ATAD2B: variants seen among roughly 807,000 people sequenced by gnomAD.
ATAD2B encodes the protein ATPase family AAA domain-containing protein 2B.
Under a neutral mutation model 167.6 loss-of-function variants are expected in ATAD2B, and 40 were observed. The ratio of observed to expected loss-of-function variants is 0.24; its 90% CI spans 0.19 to 0.31. The LOEUF (loss-of-function observed/expected upper bound fraction) is 0.31. Among genes scored for constraint, ATAD2B ranks in the 10% least tolerant of loss-of-function variants. ATAD2B has a pLI of 1.00. For synonymous variants in ATAD2B, 579 were observed against 596.5 expected (o/e 0.97, Z 0.43); for missense variants, 1,242 against 1,757.2 (o/e 0.71, Z 5.24).
intron 2 of ATAD2B, among the ~76,000 whole-genome samples, chr2:23,894,142 T>G (rs1422186488): frequency 1.3e-5 from 2 of 152,134 alleles, no homozygotes; most frequent in Non-Finnish European, 2.9e-5. Flanking sequence ...ATATCTTTCA[T>G]ATGCTCTCCC....
chr2:23,760,749 C>CACAT (rs1207153837), intron 24 of ATAD2B, among the ~76,000 whole-genome samples: 1 of 107,980 alleles, frequency 9.3e-6, no homozygotes, highest in South Asian at 3.6e-4. Context: ...CACACACACA[C>CACAT]ATACACACAC....
chr2:23,886,999 T>C (rs1698768414), intron 4 of ATAD2B, among the ~76,000 whole-genome samples: 1 of 146,698 alleles, frequency 6.8e-6, no homozygotes, highest in Admixed American at 6.8e-5. Flanking sequence ...GATGGGGTGC[T>C]GGGCACGGTG....
intron 6 of ATAD2B, 136 bp from the exon 7 acceptor site, chr2:23,880,891 C>T (rs3795951): frequency 0.051 from 30,833 of 602,338 alleles, 1,028 homozygotes; most frequent in African/African-American, 0.12. Flanking sequence ...CAACATATTA[C>T]GTAAAGCATA....
Position 23,758,012 on chromosome 2 carries a change from C to T in ATAD2B, c.3484G>A (p.Glu1162Lys). 1 of 1,610,804 alleles carries T rather than the reference C, an allele frequency of 6.2e-7. No individual in the cohort carries two copies. The highest frequency in any genetic ancestry group is 8.5e-7 in the Non-Finnish European group (1 of 1,178,794). ...RKVNNLKKDE[E>K]DTKFADYENH... ...TCATAGTCTGCAAATTTGGTGTCTT[C>T]TTCATCTTTTTTTAAATTATTAACT... The change falls in exon 25 of 28, where the codon GAA (glutamate) becomes AAA (lysine). Residue 1162 changes from glutamate to lysine, a missense_variant. Transcript: ENST00000238789.
intron 17 of ATAD2B, among the ~76,000 whole-genome samples, chr2:23,819,277 C>T (rs1243009802): frequency 2.0e-5 from 3 of 152,068 alleles, no homozygotes; most frequent in Admixed American, 6.5e-5. Flanking sequence ...GCGGGAAGAG[C>T]ACCTGAGATT....
intron 19 of ATAD2B, among the ~76,000 whole-genome samples, chr2:23,796,228 T>C (rs1000355723): frequency 6.6e-6 from 1 of 152,174 alleles, no homozygotes; most frequent in Admixed American, 6.5e-5. Context: ...AAACTACTTA[T>C]AAAGACAAAA....
At chr2:23,777,436 G>A (rs1286138808) in intron 22 of ATAD2B, among the ~76,000 whole-genome samples, 1 of 151,548 alleles carries the variant, frequency 6.6e-6, no homozygotes, top group Non-Finnish European at 1.5e-5. Context: ...TTGTAGTCTA[G>A]GCACCCAGCT....
chr2:23,819,457 C>T (rs1687102419), intron 17 of ATAD2B, among the ~76,000 whole-genome samples: 1 of 149,358 alleles, frequency 6.7e-6, no homozygotes. Context: ...TGCCACTGCA[C>T]TCTACCCTGG....
At chr2:23,752,136 G>C (rs369526507) in intron 27 of ATAD2B, 49 bp from the exon 28 acceptor site, 15 of 1,321,456 alleles carry the variant, frequency 1.1e-5, no homozygotes, top group South Asian at 8.9e-5. Flanking sequence ...AAAGACAAAA[G>C]TGTTCCTCAT....
At chr2:23,874,069 C>T (rs907677499) in intron 8 of ATAD2B, among the ~76,000 whole-genome samples, 13 of 151,968 alleles carry the variant, frequency 8.6e-5, no homozygotes, top group Non-Finnish European at 1.2e-4. Context: ...TGCCTGTAAC[C>T]CCAGCTAGTG....
At chr2:23,833,175 G>A (rs907331369) in intron 14 of ATAD2B, among the ~76,000 whole-genome samples, 3 of 152,124 alleles carry the variant, frequency 2.0e-5, no homozygotes, top group Non-Finnish European at 4.4e-5. Context: ...GTTTCTCTAT[G>A]GTCTTCCATA....
At chr2:23,905,293 G>A (rs1332513714) in intron 1 of ATAD2B, among the ~76,000 whole-genome samples, 1 of 152,156 alleles carries the variant, frequency 6.6e-6, no homozygotes, top group Non-Finnish European at 1.5e-5. Flanking sequence ...TGAGGTAAAA[G>A]GATCACTTAA....
the ATAD2B span, among the ~76,000 whole-genome samples, chr2:23,712,644 TC>T: frequency 6.6e-6 from 1 of 152,102 alleles, no homozygotes. Flanking sequence ...CAGAAAGTTT[TC>T]CCAGCTGGGT....
intron 17 of ATAD2B, among the ~76,000 whole-genome samples, chr2:23,817,753 T>C (rs569666894): frequency 2.4e-4 from 36 of 152,314 alleles, no homozygotes; most frequent in African/African-American, 7.7e-4. Context: ...TTCTAGCATA[T>C]AGCTGTCTCA....
intron 21 of ATAD2B, 40 bp downstream of exon 21, chr2:23,785,987 C>A: frequency 6.6e-7 from 1 of 1,506,992 alleles, no homozygotes; most frequent in Non-Finnish European, 8.9e-7. Flanking sequence ...TTTCTTTTAG[C>A]CAGTTCAACT....
At chr2:23,923,556 T>C (rs1461280854) in intron 1 of ATAD2B, among the ~76,000 whole-genome samples, 7 of 152,026 alleles carry the variant, frequency 4.6e-5, no homozygotes, top group Admixed American at 4.6e-4. Flanking sequence ...ATGACGGACA[T>C]GTCTATGGTG....
At chr2:23,739,626 T>C in the ATAD2B span, among the ~76,000 whole-genome samples, 1 of 151,714 alleles carries the variant, frequency 6.6e-6, no homozygotes, top group Non-Finnish European at 1.5e-5. Flanking sequence ...CACCCTAACA[T>C]CACAATTAAA....
intron 1 of ATAD2B, among the ~76,000 whole-genome samples, chr2:23,916,008 A>G (rs894467432): frequency 6.6e-6 from 1 of 152,236 alleles, no homozygotes; most frequent in South Asian, 2.1e-4. Flanking sequence ...ATTCATCATC[A>G]TGGATACTTA....
the ATAD2B span, among the ~76,000 whole-genome samples, chr2:23,736,227 A>AC: frequency 0.054 from 7,965 of 148,570 alleles, 266 homozygotes; most frequent in Non-Finnish European, 0.077. Context: ...CCATAAAGGA[A>AC]CCCCCCCCAT....
Sources: gnomAD v4.1 joint callset for allele counts (sites outside exome capture counted in the v4.1 genomes callset) on GRCh38, gnomAD v4.1.1 for gene constraint, MANE v1.5 for transcripts, NCBI Gene and HGNC (gene_info 2026-07-23, HGNC 2026-07-21) for gene names.